The following RBFOX1 variants were observed in gnomAD, a reference collection of about 807,000 sequenced individuals.
The protein encoded by RBFOX1 is RNA binding fox-1 homolog 1.
Under a neutral mutation model 57.7 loss-of-function variants are expected in RBFOX1, and 8 were observed. That is an observed-to-expected ratio of 0.14 (90% CI 0.08 to 0.25). The LOEUF (loss-of-function observed/expected upper bound fraction) is 0.25. RBFOX1 is among the 10% of genes least tolerant of loss of function. The pLI is 1.00. For missense variants in RBFOX1, 611 were observed against 548.5 expected (o/e 1.11, Z -1.14); for synonymous variants, 326 against 222.4 (o/e 1.47, Z -4.15).
chr16:5,948,671 C>T (rs2059454163), intron 4 of RBFOX1, among the ~76,000 whole-genome samples: 1 of 152,140 alleles, frequency 6.6e-6, no homozygotes, highest in African/African-American at 2.4e-5. Flanking sequence ...CCAGCAGCAA[C>T]AAGAAACCGG....
intron 2 of RBFOX1, among the ~76,000 whole-genome samples, chr16:6,611,292 G>T (rs1475483901): frequency 6.6e-6 from 1 of 152,082 alleles, no homozygotes; most frequent in Non-Finnish European, 1.5e-5. Context: ...GAATACAGGC[G>T]CACACCACCA....
At chr16:6,496,942 AAGAG>A (rs2095787850) in intron 2 of RBFOX1, among the ~76,000 whole-genome samples, 1 of 152,250 alleles carries the variant, frequency 6.6e-6, no homozygotes, top group African/African-American at 2.4e-5. Flanking sequence ...CCTGGGCAAC[AAGAG>A]AGAAACTCCG....
At chr16:7,227,097 G>T (rs1444949220) in intron 4 of RBFOX1, among the ~76,000 whole-genome samples, 1 of 152,122 alleles carries the variant, frequency 6.6e-6, no homozygotes, top group East Asian at 1.9e-4. Context: ...GTCATTTATA[G>T]AACCTGTTTG....
chr16:6,889,883 A>G (rs919199557), intron 3 of RBFOX1, among the ~76,000 whole-genome samples: 2 of 152,166 alleles, frequency 1.3e-5, no homozygotes, highest in African/African-American at 4.8e-5. Flanking sequence ...TTCCTTTTTG[A>G]GTTTTCTTTT....
Position 7,710,966 on chromosome 16 carries a change from G to C in RBFOX1, c.*221G>C. 1.9e-6 allele frequency: 1 copy of C among 525,614 alleles called. No individual in the cohort carries two copies. Among genetic ancestry groups the C allele is most frequent in the South Asian group, 6.0e-5 (1 of 16,668 alleles). 32.6% of individuals were successfully genotyped at this position (525,614 alleles called of 1,614,324 possible). Reference sequence around the variant, plus strand: ...TTAATTTCTGAAGGTTCCGTAGTTTGGTTGCTGGCTGTAGGAGTTTTTGTG... The same window carrying C: ...TTAATTTCTGAAGGTTCCGTAGTTTCGTTGCTGGCTGTAGGAGTTTTTGTG... On this transcript the variant is annotated 3_prime_UTR_variant, in exon 16 of 16. Transcript: ENST00000550418.
chr16:6,781,843 G>T (rs572666462), intron 3 of RBFOX1, among the ~76,000 whole-genome samples: 40 of 151,872 alleles, frequency 2.6e-4, no homozygotes, highest in African/African-American at 9.2e-4. Context: ...TGTTGATTTC[G>T]TTTTTATTTT....
chr16:5,327,690 C>G (rs2064622294), intron 1 of RBFOX1, among the ~76,000 whole-genome samples: 1 of 152,188 alleles, frequency 6.6e-6, no homozygotes, highest in Non-Finnish European at 1.5e-5. Flanking sequence ...TAGCAGCATC[C>G]CCCTCCCCGA....
intron 4 of RBFOX1, among the ~76,000 whole-genome samples, chr16:7,216,795 G>C (rs1021489430): frequency 3.3e-5 from 5 of 152,130 alleles, no homozygotes; most frequent in African/African-American, 1.2e-4. Context: ...TCTTAGGGTA[G>C]CAGTTCCTGG....
At chr16:7,573,193 A>G (rs1047215173) in intron 5 of RBFOX1, among the ~76,000 whole-genome samples, 6 of 152,120 alleles carry the variant, frequency 3.9e-5, no homozygotes, top group Non-Finnish European at 1.5e-5. Flanking sequence ...TCCCAGGGAA[A>G]GAGTCTTCCA....
At chr16:6,077,551 T>G (rs2095923480) in intron 1 of RBFOX1, among the ~76,000 whole-genome samples, 1 of 152,146 alleles carries the variant, frequency 6.6e-6, no homozygotes, top group African/African-American at 2.4e-5. Flanking sequence ...AGATGATGGT[T>G]TCTATGGAAA....
chr16:6,207,377 T>C (rs2097262410), intron 1 of RBFOX1, among the ~76,000 whole-genome samples: 1 of 152,228 alleles, frequency 6.6e-6, no homozygotes, highest in African/African-American at 2.4e-5. Flanking sequence ...CACTCATTTA[T>C]CTCTGCATAA....
intron 3 of RBFOX1, among the ~76,000 whole-genome samples, chr16:6,953,884 G>C (rs1331285958): frequency 3.9e-5 from 6 of 152,142 alleles, no homozygotes; most frequent in African/African-American, 9.7e-5. Flanking sequence ...AAAGCCAGTT[G>C]TTGACGTAAA....
intron 4 of RBFOX1, among the ~76,000 whole-genome samples, chr16:7,098,627 T>C (rs12926692): frequency 0.16 from 24,519 of 152,052 alleles, 2,223 homozygotes; most frequent in East Asian, 0.34. Flanking sequence ...TGGTTTCTTA[T>C]GGGGATATAG....
At chr16:6,746,718 T>A (rs1027040678) in intron 3 of RBFOX1, among the ~76,000 whole-genome samples, 1 of 152,086 alleles carries the variant, frequency 6.6e-6, no homozygotes, top group Non-Finnish European at 1.5e-5. Flanking sequence ...TCCTTAACTA[T>A]TATTAATTAA....
chr16:6,542,501 T>TTTTTTTG (rs2096836224), intron 2 of RBFOX1, among the ~76,000 whole-genome samples: 1 of 135,648 alleles, frequency 7.4e-6, no homozygotes, highest in African/African-American at 2.8e-5. Flanking sequence ...TTTTTTTTTT[T>TTTTTTTG]TTTTTTGAGC....
At position 6,620,013 on chromosome 16, in the gene RBFOX1, T is replaced by A. The variant is rs376084724; in HGVS notation, c.-63-34590T>A. Among the ~76,000 whole-genome samples, 9 of 152,320 alleles carry A rather than the reference T, an allele frequency of 5.9e-5. No homozygotes were observed. In the East Asian group the frequency reaches 1.3e-3, roughly 23 times the overall value. On this transcript the variant is annotated intron_variant, in intron 2 of 15. Transcript: ENST00000550418. ...CTAAGTGTAATGGCCTCCACTTCCA[T>A]CCATGTTCCTGCAAAGGACATAATC...
intron 1 of RBFOX1, among the ~76,000 whole-genome samples, chr16:5,332,030 C>G (rs1290972499): frequency 1.3e-5 from 2 of 152,212 alleles, no homozygotes; most frequent in African/African-American, 2.4e-5. Context: ...TAAAAGTAGA[C>G]TCACGTCAGG....
rs146942235 is a variant in RBFOX1 at position 7,218,165 on chromosome 16, C to G, written c.27+166067C>G. Among the ~76,000 whole-genome samples the G allele has an allele frequency of 6.6e-4, 100 of 152,228 alleles. 1 individual carries two copies. The highest frequency in any genetic ancestry group is 2.3e-3 in the African/African-American group (97 of 41,542). On this transcript the variant is annotated intron_variant, in intron 4 of 15. Coordinates refer to ENST00000550418, the MANE Select transcript of RBFOX1 (RefSeq NM_018723.4). ...CCCACCTTGCTGACTCTTTCTAACC[C>G]TATGATCCTTTGCCTGAGTAGGTGG... is the stretch of plus-strand genomic sequence containing the variant.
chr16:6,287,502 C>G (rs1473227493), intron 1 of RBFOX1, among the ~76,000 whole-genome samples: 1 of 152,114 alleles, frequency 6.6e-6, no homozygotes, highest in Admixed American at 6.6e-5. Context: ...ATACCAAATA[C>G]TAGATTATTC....
Sources: gnomAD v4.1 joint callset for allele counts (sites outside exome capture counted in the v4.1 genomes callset) on GRCh38, gnomAD v4.1.1 for gene constraint, MANE v1.5 for transcripts, NCBI Gene and HGNC (gene_info 2026-07-23, HGNC 2026-07-21) for gene names.